Variants in BACH2 observed in about 807,000 individuals in gnomAD.
BACH2 encodes the protein transcription regulator protein BACH2.
In BACH2, 5 loss-of-function variants were observed where a neutral mutation model predicts 61.8. The observed-to-expected ratio is 0.08, with a 90% CI of 0.04 to 0.17. BACH2 has a LOEUF of 0.17. Ranked by LOEUF, BACH2 falls within the 10% of genes least tolerant of loss-of-function variation. The pLI is 1.00. For missense variants in BACH2, 824 were observed against 1,091.1 expected (o/e 0.76, Z 3.45); for synonymous variants, 446 against 440.1 (o/e 1.01, Z -0.17).
intron 1 of BACH2, among the ~76,000 whole-genome samples, chr6:90,294,109 C>T (rs890418014): frequency 6.6e-6 from 1 of 152,120 alleles, no homozygotes; most frequent in African/African-American, 2.4e-5. Flanking sequence ...GGAGTGTTCA[C>T]AATTTAGCTA....
intron 2 of BACH2, among the ~76,000 whole-genome samples, chr6:90,261,480 A>T (rs1350405944): frequency 6.6e-6 from 1 of 152,096 alleles, no homozygotes; most frequent in Non-Finnish European, 1.5e-5. Context: ...ATTTTTCACC[A>T]CCCACTAATT....
At chr6:90,291,607 C>A (rs1399918195) in intron 1 of BACH2, among the ~76,000 whole-genome samples, 17 of 125,696 alleles carry the variant, frequency 1.4e-4, no homozygotes, top group African/African-American at 1.9e-4. Flanking sequence ...TAAATGTCAT[C>A]ACAAACAAAA....
intron 3 of BACH2, among the ~76,000 whole-genome samples, chr6:90,208,094 A>G (rs1562504866): frequency 1.3e-5 from 2 of 152,224 alleles, no homozygotes; most frequent in African/African-American, 4.8e-5. Context: ...ATCTAAAACC[A>G]TAAAAACCCT....
rs185038038 is a variant in BACH2 at position 89,978,145 on chromosome 6, G to A, written c.244-26283C>T. ...AGGAAGAAAGACTTTGACATATGAA[G>A]TGCTGCAACCATTAATAGCACTTAT... is the stretch of plus-strand genomic sequence containing the variant. On this transcript the variant is annotated intron_variant, in intron 6 of 8. Coordinates refer to ENST00000257749, the MANE Select transcript of BACH2 (RefSeq NM_021813.4). Among the ~76,000 whole-genome samples the A allele has an allele frequency of 3.5e-4, 53 of 152,326 alleles. No homozygotes were observed. In the East Asian group the frequency reaches 0.01, roughly 29 times the overall value.
At chr6:89,997,120 A>G (rs1210464880) in intron 6 of BACH2, among the ~76,000 whole-genome samples, 4 of 152,114 alleles carry the variant, frequency 2.6e-5, no homozygotes, top group Admixed American at 2.6e-4. Flanking sequence ...CTCCTTTAAT[A>G]TAGCTGAAAT....
intron 3 of BACH2, among the ~76,000 whole-genome samples, chr6:90,237,330 A>C (rs755299855): frequency 2.6e-5 from 4 of 152,340 alleles, no homozygotes; most frequent in Non-Finnish European, 5.9e-5. Context: ...ATTATGACCA[A>C]CCATATCTAA....
At chr6:89,986,434 A>T (rs1776246680) in intron 6 of BACH2, among the ~76,000 whole-genome samples, 1 of 152,084 alleles carries the variant, frequency 6.6e-6, no homozygotes, top group Non-Finnish European at 1.5e-5. Flanking sequence ...TTTCCCTAAT[A>T]TCCAGCTTCC....
Position 90,236,413 on chromosome 6 carries a change from G to C in BACH2, c.-275+16100C>G, listed in dbSNP as rs530823728. Among the ~76,000 whole-genome samples the C allele has an allele frequency of 1.6e-3, 245 of 152,332 alleles. 1 individual carries two copies. The highest frequency in any genetic ancestry group is 5.6e-3 in the African/African-American group (231 of 41,576). ...CACACAATTAGCACAAAGCACTTGG[G>C]AAGCGAACAGTTTACCCAGGGCACA... On this transcript the variant is annotated intron_variant, in intron 3 of 8. Transcript: ENST00000257749.
intron 5 of BACH2, among the ~76,000 whole-genome samples, chr6:90,044,422 G>A (rs768984035): frequency 2.6e-5 from 4 of 152,214 alleles, no homozygotes; most frequent in African/African-American, 9.6e-5. Context: ...AGTGGCCAGC[G>A]AAAGCTGCAG....
In BACH2 at chr6:89,950,782, T is replaced by C; in HGVS notation, c.1324A>G (p.Ser442Gly). 8.7e-6 allele frequency: 14 copies of C among 1,614,074 alleles called. No individual in the cohort carries two copies. The highest frequency in any genetic ancestry group is 1.2e-5 in the Non-Finnish European group (14 of 1,180,012). The change falls in exon 7 of 9, where the codon AGC (serine) becomes GGC (glycine). Residue 442 changes from serine to glycine, a missense_variant. Ser to Gly is a moderately conservative substitution (Grantham distance 56). This residue lies in a region of BACH2 where 102 missense variants were observed against 98.1 expected (regional missense o/e 1.04). Coordinates refer to ENST00000257749, the MANE Select transcript of BACH2 (RefSeq NM_021813.4). This position sits in a 1 kb window ranked among gnomAD's most constrained non-coding sequence, Gnocchi z 5.3. ...IFSSSACDQV[S>G]TSVHSYSGVS... ...CCAGAATAAGAATGCACCGAGGTGC[T>C]CACTTGGTCACAAGCGCTGGAGGAG... is the stretch of plus-strand genomic sequence containing the variant.
chr6:89,933,012 T>A, intron 8 of BACH2, 122 bp from the exon 9 acceptor site: 1 of 1,118,138 alleles, frequency 8.9e-7, no homozygotes, highest in Non-Finnish European at 1.2e-6. Context: ...CAAGAATGAC[T>A]AGGTCAGGCT....
At chr6:90,123,159 G>T (rs188915822) in intron 4 of BACH2, among the ~76,000 whole-genome samples, 3 of 152,210 alleles carry the variant, frequency 2.0e-5, no homozygotes, top group South Asian at 2.1e-4. Context: ...AAATCCAAGG[G>T]GAGGTGTCCT....
chr6:90,156,529 CA>C (rs1248952559), intron 4 of BACH2, among the ~76,000 whole-genome samples: 1 of 152,050 alleles, frequency 6.6e-6, no homozygotes, highest in Non-Finnish European at 1.5e-5. Context: ...GAGCATTGTA[CA>C]AAAATGGGTG....
intron 6 of BACH2, among the ~76,000 whole-genome samples, chr6:89,955,679 C>A (rs1050402875): frequency 6.6e-6 from 1 of 152,216 alleles, no homozygotes; most frequent in Non-Finnish European, 1.5e-5. Context: ...TTTCTAAATA[C>A]TGGCTTAGCC....
chr6:89,952,117 A>G (rs1237861134), intron 6 of BACH2: 1 of 528,436 alleles, frequency 1.9e-6, no homozygotes, highest in African/African-American at 1.9e-5. Context: ...GCTAAACAAG[A>G]TGACAACGGG....
intron 4 of BACH2, among the ~76,000 whole-genome samples, chr6:90,165,789 G>C (rs186024195): frequency 1.3e-5 from 2 of 152,080 alleles, no homozygotes; most frequent in Non-Finnish European, 2.9e-5. Flanking sequence ...ACAAGCCTGA[G>C]AAAAACAAGA....
chr6:89,957,916 T>C (rs1014141761), intron 6 of BACH2, among the ~76,000 whole-genome samples: 6 of 152,206 alleles, frequency 3.9e-5, no homozygotes, highest in East Asian at 1.9e-4. Context: ...TAAATCAACA[T>C]TGAAATTGAT....
intron 4 of BACH2, among the ~76,000 whole-genome samples, chr6:90,142,938 G>A (rs1277129921): frequency 1.3e-5 from 2 of 152,182 alleles, no homozygotes; most frequent in African/African-American, 2.4e-5. Flanking sequence ...TGTGATTTAA[G>A]GTATTCCAGC....
intron 5 of BACH2, among the ~76,000 whole-genome samples, chr6:90,032,814 C>G (rs1452325546): frequency 6.6e-6 from 1 of 152,162 alleles, no homozygotes; most frequent in African/African-American, 2.4e-5. Context: ...CCTCAGGGAT[C>G]CAGAACTAGA....
Sources: allele counts gnomAD v4.1 joint callset (sites outside exome capture counted in the v4.1 genomes callset), GRCh38; gene constraint gnomAD v4.1.1; regional missense constraint gnomAD v4.1.1; non-coding constraint Gnocchi (gnomAD v3.1); transcripts MANE v1.5; gene names NCBI Gene and HGNC (gene_info 2026-07-23, HGNC 2026-07-21).